The following RIN3 variants were observed in gnomAD, a reference collection of about 807,000 sequenced individuals.
The protein encoded by RIN3 is Ras and Rab interactor 3.
A neutral mutation model predicts 76.3 loss-of-function variants in RIN3; 54 were observed. That is an observed-to-expected ratio of 0.71 (90% confidence interval 0.57 to 0.89). RIN3 has a LOEUF of 0.89. Among genes scored for constraint, RIN3 ranks in the 40% least tolerant of loss-of-function variants. RIN3 has a pLI of 0.00. For missense variants in RIN3, 1,256 were observed against 1,322.1 expected (o/e 0.95, Z 0.78); for synonymous variants, 576 against 564.0 (o/e 1.02, Z -0.30).
chr14:92,533,823 TACTC>T (rs1166938912), intron 1 of RIN3, among the ~76,000 whole-genome samples: 6 of 152,172 alleles, frequency 3.9e-5, no homozygotes, highest in Admixed American at 6.5e-5. Context: ...CTAAATAACT[TACTC>T]AGGTAACCAA....
In RIN3 at chr14:92,681,688, AG is replaced by A. The variant is rs1226331310; in HGVS notation, c.2468-3296del. Among the ~76,000 whole-genome samples, 1 of 152,054 alleles carries A rather than the reference AG, an allele frequency of 6.6e-6. No individual in the cohort carries two copies. Among genetic ancestry groups the A allele is most frequent in the African/African-American group, 2.4e-5 (1 of 41,394 alleles). The stretch of plus-strand genomic sequence containing the variant: ...AGCCAGACAGGAAACAGGACGACTG[AG>A]GGATGCCAGGTAGAGGACGTGGACT... On this transcript the variant is annotated intron_variant, in intron 8 of 9. Coordinates refer to ENST00000216487, the MANE Select transcript of RIN3 (RefSeq NM_024832.5). This position sits in a 1 kb window ranked among gnomAD's most constrained non-coding sequence, Gnocchi z 4.7.
At chr14:92,640,917 G>A (rs1886986288) in intron 4 of RIN3, among the ~76,000 whole-genome samples, 2 of 152,072 alleles carry the variant, frequency 1.3e-5, no homozygotes, top group South Asian at 4.1e-4. Flanking sequence ...GGAGGGGTGG[G>A]CCACTCACTT....
intron 1 of RIN3, among the ~76,000 whole-genome samples, chr14:92,539,616 G>A (rs752504707): frequency 2.0e-5 from 3 of 152,170 alleles, no homozygotes; most frequent in Non-Finnish European, 4.4e-5. Flanking sequence ...TGGGCCTGGT[G>A]GGAGTGGACA....
chr14:92,581,590 C>T (rs575962543), intron 3 of RIN3, among the ~76,000 whole-genome samples: 9 of 152,092 alleles, frequency 5.9e-5, no homozygotes, highest in African/African-American at 2.2e-4. Context: ...ACGTCCTTTG[C>T]GCCATACTCC....
intron 1 of RIN3, among the ~76,000 whole-genome samples, chr14:92,531,508 C>A (rs775772075): frequency 6.6e-5 from 10 of 152,218 alleles, no homozygotes; most frequent in Non-Finnish European, 1.2e-4. Flanking sequence ...GGTGCGGAAT[C>A]CACTTGGCTT....
At chr14:92,659,135 A>G (rs1480703757) in intron 6 of RIN3, 26 bp from the exon 7 acceptor site, 2 of 1,611,006 alleles carry the variant, frequency 1.2e-6, no homozygotes, top group Non-Finnish European at 8.5e-7. Context: ...TGGTTTCCTC[A>G]CCCTCGCTCT....
At chr14:92,567,020 A>C (rs1352249858) in intron 2 of RIN3, among the ~76,000 whole-genome samples, 1 of 152,206 alleles carries the variant, frequency 6.6e-6, no homozygotes. Context: ...TAGTGGTCAC[A>C]AACGTGGCCT....
chr14:92,616,548 C>G (rs1000722832), intron 4 of RIN3, among the ~76,000 whole-genome samples: 2 of 152,190 alleles, frequency 1.3e-5, no homozygotes, highest in African/African-American at 4.8e-5. Context: ...GAGAGGTGAT[C>G]CCCATAAATC....
intron 1 of RIN3, among the ~76,000 whole-genome samples, chr14:92,517,781 C>G (rs766429426): frequency 6.6e-6 from 1 of 152,210 alleles, no homozygotes; most frequent in South Asian, 2.1e-4. Flanking sequence ...GACTTCCAAA[C>G]TGGATCTCCC....
chr14:92,688,029 A>T lies in RIN3; in HGVS notation c.2735A>T (p.Lys912Met). Residue 912 changes from lysine to methionine, a missense_variant, in exon 10 of 10, where the codon AAG becomes ATG. Physicochemically the swap from Lys to Met is moderately conservative, Grantham distance 95. Around this residue, in one of 3 missense-constraint regions of RIN3, gnomAD observed 218 missense variants for 174.5 expected, o/e 1.25. Coordinates refer to ENST00000216487, the MANE Select transcript of RIN3 (RefSeq NM_024832.5). ...AQALCAQCAEKFAVERPQAHR... is the reference protein window; with the variant it reads ...AQALCAQCAEMFAVERPQAHR... ...GCGCTGTGCGCGCAGTGCGCGGAGAAGTTCGCGGTGGAGCGGCCGCAGGCG... is the reference window on the plus strand; with the variant it reads ...GCGCTGTGCGCGCAGTGCGCGGAGATGTTCGCGGTGGAGCGGCCGCAGGCG... 6.3e-7 allele frequency: 1 copy of T among 1,592,858 alleles called. No homozygotes were observed.
chr14:92,620,612 T>A (rs541137148), intron 4 of RIN3, among the ~76,000 whole-genome samples: 5 of 152,154 alleles, frequency 3.3e-5, no homozygotes, highest in African/African-American at 1.2e-4. Flanking sequence ...CTAAAAAAAA[T>A]CATAGTTTTA....
At chr14:92,570,866 C>T (rs1898046541) in intron 2 of RIN3, among the ~76,000 whole-genome samples, 1 of 152,192 alleles carries the variant, frequency 6.6e-6, no homozygotes, top group Non-Finnish European at 1.5e-5. Flanking sequence ...CTGCATGCCC[C>T]AGTGATTTGA....
chr14:92,571,043 G>A (rs1457913797), intron 2 of RIN3, among the ~76,000 whole-genome samples: 1 of 152,216 alleles, frequency 6.6e-6, no homozygotes, highest in South Asian at 2.1e-4. Flanking sequence ...AAATACTCTT[G>A]TGGCAATCAC....
intron 1 of RIN3, among the ~76,000 whole-genome samples, chr14:92,544,227 C>T (rs1897193474): frequency 6.6e-6 from 1 of 152,150 alleles, no homozygotes; most frequent in Admixed American, 6.5e-5. Context: ...TGTACCTGTT[C>T]ACCACACTAT....
In RIN3 at chr14:92,514,435, G is replaced by A. The variant is rs747628426; in HGVS notation, c.44+459G>A. ...CTCGGGTACTAGAGCCCCGCTGGGCGTGGGGTCGGAGACCCGGACCCCCGC... is the reference window on the plus strand; with the variant it reads ...CTCGGGTACTAGAGCCCCGCTGGGCATGGGGTCGGAGACCCGGACCCCCGC... On this transcript the variant is annotated intron_variant, in intron 1 of 9. Transcript: ENST00000216487. This position sits in a 1 kb window ranked among gnomAD's most constrained non-coding sequence, Gnocchi z 7.2. Among the ~76,000 whole-genome samples, 3 of 152,214 alleles carry A rather than the reference G, an allele frequency of 2.0e-5. No individual in the cohort carries two copies. Among genetic ancestry groups the A allele is most frequent in the Non-Finnish European group, 2.9e-5 (2 of 68,034 alleles).
chr14:92,635,523 C>T lies in RIN3; in HGVS notation c.441-5715C>T, dbSNP rs1263433871. ...CTCCAAATATATCTACCTTGTGGCC[C>T]GGCAGACTCACATCTAGGAATGTAT... is the stretch of plus-strand genomic sequence containing the variant. On this transcript the variant is annotated intron_variant, in intron 4 of 9. Coordinates refer to ENST00000216487, the MANE Select transcript of RIN3 (RefSeq NM_024832.5). Among the ~76,000 whole-genome samples the T allele has an allele frequency of 1.6e-4, 24 of 152,066 alleles. 1 individual carries two copies. Among genetic ancestry groups the T allele is most frequent in the Admixed American group, 1.0e-3 (16 of 15,252 alleles).
At chr14:92,667,922 T>G (rs1888166127) in intron 7 of RIN3, among the ~76,000 whole-genome samples, 1 of 152,118 alleles carries the variant, frequency 6.6e-6, no homozygotes, top group African/African-American at 2.4e-5. Flanking sequence ...TCCAAAAGGT[T>G]GTAACTCACA....
At chr14:92,576,042 G>C (rs1170888524) in intron 2 of RIN3, among the ~76,000 whole-genome samples, 1 of 152,206 alleles carries the variant, frequency 6.6e-6, no homozygotes, top group Admixed American at 6.5e-5. Context: ...TGGAGTGGGA[G>C]AGGCTTAAGC....
intron 3 of RIN3, among the ~76,000 whole-genome samples, chr14:92,584,647 G>A (rs1321457331): frequency 3.3e-5 from 5 of 152,146 alleles, no homozygotes; most frequent in Admixed American, 1.3e-4. Flanking sequence ...GAGGCATGGG[G>A]GCAGGGGATG....
Sources: allele counts gnomAD v4.1 joint callset (sites outside exome capture counted in the v4.1 genomes callset), GRCh38; gene constraint gnomAD v4.1.1; regional missense constraint gnomAD v4.1.1; non-coding constraint Gnocchi (gnomAD v3.1); transcripts MANE v1.5; gene names NCBI Gene and HGNC (gene_info 2026-07-23, HGNC 2026-07-21).